Variants in MRE11 observed in about 807,000 individuals in gnomAD.
The protein encoded by MRE11 is double-strand break repair protein MRE11.
Under a neutral mutation model 91.7 loss-of-function variants are expected in MRE11, and 62 were observed. That is an observed-to-expected ratio of 0.68 (90% CI 0.55 to 0.84). The LOEUF is 0.84. Among genes scored for constraint, MRE11 ranks in the 40% least tolerant of loss-of-function variants. MRE11 has a pLI of 0.00. For synonymous variants in MRE11, 273 were observed against 271.4 expected, an observed-to-expected ratio of 1.01 and a Z score of -0.06; for missense variants, 796 against 852.9, an observed-to-expected ratio of 0.93 and a Z score of 0.83.
chr11:94,476,565 CT>C (rs1358414806), intron 6 of MRE11, among the ~76,000 whole-genome samples, 162 bp from the exon 7 acceptor site: 4 of 151,732 alleles, frequency 2.6e-5, no homozygotes, highest in East Asian at 3.9e-4. Flanking sequence ...GTTGCAGGTT[CT>C]TTTTTTATCT....
At position 94,420,164 on chromosome 11, in the gene MRE11, A is replaced by G; in HGVS notation, c.2088T>C (p.Pro696=). The G allele has an allele frequency of 6.3e-7, 1 of 1,583,066 alleles. No individual in the cohort carries two copies. ...FESSEDDDDD[P]FMNTSSLRRN... ...TTCTTAAAGAACTAGTGTTCATAAAAGGATCATCATCATCATCCTGAAATG... is the reference window on the plus strand; with the variant it reads ...TTCTTAAAGAACTAGTGTTCATAAAGGGATCATCATCATCATCCTGAAATG... The change falls in exon 20 of 20, where the codon CCT becomes CCC. Residue 696 remains proline (P), a synonymous_variant. Coordinates refer to ENST00000323929, the MANE Select transcript of MRE11 (RefSeq NM_005591.4).
Position 94,492,691 on chromosome 11 carries a change from G to T in MRE11, c.20+91C>A, listed in dbSNP as rs911116981. On this transcript the variant is annotated intron_variant, in intron 2 of 19. Coordinates refer to ENST00000323929, the MANE Select transcript of MRE11 (RefSeq NM_005591.4). ...TTCATAAACAGGTTCCTTATTTACTGCTTATTAAATAAGTTTTCTTTTACT... is the reference window on the plus strand; with the variant it reads ...TTCATAAACAGGTTCCTTATTTACTTCTTATTAAATAAGTTTTCTTTTACT... The T allele has an allele frequency of 6.5e-7, 1 of 1,532,378 alleles. No homozygotes were observed. The highest frequency in any genetic ancestry group is 9.0e-7 in the Non-Finnish European group (1 of 1,108,648). 94.9% of individuals were successfully genotyped at this position (1,532,378 alleles called of 1,614,324 possible).
intron 16 of MRE11, among the ~76,000 whole-genome samples, chr11:94,440,708 G>T (rs1227618273): frequency 1.3e-5 from 2 of 152,144 alleles, no homozygotes; most frequent in Non-Finnish European, 2.9e-5. Context: ...GAGGTAAACA[G>T]GATTTCATAA....
intron 7 of MRE11, chr11:94,475,483 C>T: frequency 2.4e-6 from 1 of 409,026 alleles, no homozygotes; most frequent in South Asian, 1.8e-5. Context: ...TGAGTTCTTC[C>T]CTGACAACTT....
the MRE11 span, among the ~76,000 whole-genome samples, chr11:94,502,300 G>A: frequency 6.6e-6 from 1 of 152,146 alleles, no homozygotes; most frequent in African/African-American, 2.4e-5. Flanking sequence ...TATTTGTAAA[G>A]TTGATTAAAG....
intron 7 of MRE11, chr11:94,475,737 A>G (rs1415837888): frequency 1.9e-5 from 8 of 420,034 alleles, no homozygotes; most frequent in Non-Finnish European, 3.3e-5. Context: ...AAGAATGTTC[A>G]TAACAGCAAG....
intron 2 of MRE11, 111 bp from the exon 3 acceptor site, chr11:94,491,076 AT>A (rs1306694961): frequency 3.6e-4 from 265 of 735,364 alleles, no homozygotes; most frequent in Non-Finnish European, 4.5e-4. Context: ...GAGTAAAATC[AT>A]TTTTTTTAGC....
At chr11:94,496,299 A>G (rs1467178047), upstream of MRE11, among the ~76,000 whole-genome samples, 1 of 152,332 alleles carries the variant, frequency 6.6e-6, no homozygotes, top group African/African-American at 2.4e-5. Context: ...GTTATACTTC[A>G]AAACCTTTAA....
Position 94,428,643 on chromosome 11 carries a change from CA to C in MRE11, c.2070+1267del, listed in dbSNP as rs560983820. On this transcript the variant is annotated intron_variant, in intron 19 of 19. Transcript: ENST00000323929. ...CTTTGGGAGGCCGAGGCAGGTGGAT[CA>C]TAAGGTCAGGAGTTTGAGACCAGCC... 4.5e-3 allele frequency among the ~76,000 whole-genome samples: 686 copies of C among 152,202 alleles called. 5 individuals carry two copies. The highest frequency in any genetic ancestry group is 0.016 in the African/African-American group (655 of 41,548).
intron 16 of MRE11, among the ~76,000 whole-genome samples, chr11:94,437,812 TC>T (rs1047553887): frequency 1.3e-5 from 2 of 152,140 alleles, no homozygotes; most frequent in African/African-American, 4.8e-5. Context: ...TCTTTCCCTT[TC>T]TTTTTCCTTG....
At chr11:94,482,324 C>T (rs1947032360) in intron 4 of MRE11, among the ~76,000 whole-genome samples, 1 of 152,146 alleles carries the variant, frequency 6.6e-6, no homozygotes, top group Non-Finnish European at 1.5e-5. Context: ...AATGACAGAA[C>T]CAGGATTTGA....
At chr11:94,457,025 C>T (rs941636037) in intron 13 of MRE11, among the ~76,000 whole-genome samples, 1 of 152,150 alleles carries the variant, frequency 6.6e-6, no homozygotes, top group African/African-American at 2.4e-5. Context: ...AGACAAAAAG[C>T]TGCTCTCATG....
chr11:94,472,868 C>G (rs998817100), intron 7 of MRE11: 1 of 152,040 alleles, frequency 6.6e-6, no homozygotes, highest in Non-Finnish European at 1.5e-5. Flanking sequence ...ATAAGGGATA[C>G]TCAATCTCTA....
the MRE11 span, among the ~76,000 whole-genome samples, chr11:94,511,821 G>C: frequency 6.6e-6 from 1 of 152,152 alleles, no homozygotes; most frequent in Non-Finnish European, 1.5e-5. Context: ...GCAACCTTAT[G>C]CTCCAAATAA....
intron 18 of MRE11, among the ~76,000 whole-genome samples, chr11:94,430,637 T>G (rs1945439789): frequency 6.6e-6 from 1 of 152,034 alleles, no homozygotes; most frequent in Admixed American, 6.6e-5. Context: ...AATTTTTGTA[T>G]TTTTAGTAGA....
chr11:94,488,062 C>G (rs1228205355), intron 3 of MRE11, among the ~76,000 whole-genome samples: 1 of 152,064 alleles, frequency 6.6e-6, no homozygotes, highest in Non-Finnish European at 1.5e-5. Flanking sequence ...GGGGGTGGAA[C>G]AGTTACAATT....
At chr11:94,433,637 C>T (rs1945523492) in intron 18 of MRE11, among the ~76,000 whole-genome samples, 1 of 152,182 alleles carries the variant, frequency 6.6e-6, no homozygotes, top group African/African-American at 2.4e-5. Context: ...GAATAGGTCT[C>T]ACAAGATCTT....
intron 19 of MRE11, among the ~76,000 whole-genome samples, chr11:94,420,759 G>A (rs1257769): frequency 0.3 from 45,811 of 151,964 alleles, 7,321 homozygotes; most frequent in Middle Eastern, 0.4. Context: ...CTGGCCGGGC[G>A]CGGTGGCTCA....
At position 94,484,934 on chromosome 11, in the gene MRE11, A is replaced by G. The variant is rs116559539; in HGVS notation, c.314+990T>C. Among the ~76,000 whole-genome samples, 1,149 of 152,354 alleles carry G rather than the reference A, an allele frequency of 7.5e-3. 12 individuals are homozygous for G. The highest frequency in any genetic ancestry group is 0.025 in the African/African-American group (1,051 of 41,570). On this transcript the variant is annotated intron_variant, in intron 4 of 19. Coordinates refer to ENST00000323929, the MANE Select transcript of MRE11 (RefSeq NM_005591.4). ...TACAATGTTTAAGACATGATGGGCC[A>G]GAAGCGGTAGCTTGCGTCTATAATC...
Sources: allele counts gnomAD v4.1 joint callset (sites outside exome capture counted in the v4.1 genomes callset), GRCh38; gene constraint gnomAD v4.1.1; transcripts MANE v1.5; gene names NCBI Gene and HGNC (gene_info 2026-07-23, HGNC 2026-07-21).